Variants in SPDYA observed in about 807,000 individuals in gnomAD.
SPDYA encodes speedy protein A.
In SPDYA, 11 loss-of-function variants were observed where a neutral mutation model predicts 36.7. That is an observed-to-expected ratio of 0.30 (90% CI 0.19 to 0.50). The LOEUF is 0.50. Among genes scored for constraint, SPDYA ranks in the 20% least tolerant of loss-of-function variants. The pLI is 0.98. For synonymous variants in SPDYA, 115 were observed against 118.7 expected (o/e 0.97, Z 0.20); for missense variants, 287 against 370.9 (o/e 0.77, Z 1.86).
At chr2:28,819,837 AAAAAAAAAAAAAATATATATATATATAT>A (rs1668090977) in intron 4 of SPDYA, among the ~76,000 whole-genome samples, 1 of 49,940 alleles carries the variant, frequency 2.0e-5, no homozygotes, top group Non-Finnish European at 3.6e-5. Flanking sequence ...AAAAAAAAAA[AAAAAAAAAAAAAATATATATATATATAT>A]ATATATATAT....
In SPDYA at chr2:28,840,571, C is replaced by G. The variant is rs1459294659; in HGVS notation, c.850+102C>G. ...ATACATAATAATTTATATACTCCAACAATATGAGTTAAATTAATCTTGAAA... is the reference window on the plus strand; with the variant it reads ...ATACATAATAATTTATATACTCCAAGAATATGAGTTAAATTAATCTTGAAA... On this transcript the variant is annotated intron_variant, in intron 7 of 7. Coordinates refer to ENST00000334056, the MANE Select transcript of SPDYA (RefSeq NM_182756.4). 5 of 1,469,570 alleles carry G rather than the reference C, an allele frequency of 3.4e-6. No individual in the cohort carries two copies. In the East Asian group the frequency reaches 9.7e-5, roughly 29 times the overall value. 91.0% of individuals were successfully genotyped at this position (1,469,570 alleles called of 1,614,324 possible).
chr2:28,848,487 C>T (rs1162155464), intron 7 of SPDYA, among the ~76,000 whole-genome samples: 1 of 152,178 alleles, frequency 6.6e-6, no homozygotes, highest in African/African-American at 2.4e-5. Context: ...GCAAAGTCCC[C>T]CATTATGGTT....
At position 28,811,813 on chromosome 2, in the gene SPDYA, T is replaced by C. The variant is rs115790217; in HGVS notation, c.-93+866T>C. ...AAAATAACTTAAAAAAAAAGTATCCTGGCATGGTGGCGGGCGCCTGTAATC... is the reference window on the plus strand; with the variant it reads ...AAAATAACTTAAAAAAAAAGTATCCCGGCATGGTGGCGGGCGCCTGTAATC... On this transcript the variant is annotated intron_variant, in intron 1 of 7. Transcript: ENST00000334056. This position sits in a 1 kb window ranked among gnomAD's most constrained non-coding sequence, Gnocchi z 4.2. 0.014 allele frequency among the ~76,000 whole-genome samples: 2,037 copies of C among 143,390 alleles called. 25 individuals are homozygous for C. The highest frequency in any genetic ancestry group is 0.038 in the African/African-American group (1,463 of 38,666). The allele number at this position is 143,390 out of a possible 152,430, so 94.1% of individuals were successfully genotyped here. A position where few individuals can be genotyped will look rare whatever the true frequency, so the allele number is the denominator to read the frequency against.
At chr2:28,822,437 G>A (rs1382912298) in intron 5 of SPDYA, 27 bp downstream of exon 5, 9 of 1,273,562 alleles carry the variant, frequency 7.1e-6, no homozygotes, top group Non-Finnish European at 9.9e-6. Flanking sequence ...CTAAGTGATT[G>A]TTGTGTTATC....
chr2:28,843,130 C>G (rs1182899025), intron 7 of SPDYA, among the ~76,000 whole-genome samples: 1 of 152,154 alleles, frequency 6.6e-6, no homozygotes, highest in African/African-American at 2.4e-5. Flanking sequence ...GTTTTCCTAC[C>G]TTAAAATTTT....
Position 28,816,188 on chromosome 2 carries a change from C to T in SPDYA, c.174C>T (p.Arg58=), listed in dbSNP as rs757257141. ...CACATAATAACAACAAATCTAAACG[C>T]CCCAAAGGACCTTGTCTGGTTATAC... The part of the protein sequence containing the change: ...KNTHNNNKSK[R]PKGPCLVIQR... Residue 58 remains arginine (R), a synonymous_variant, in exon 3 of 8, where the codon CGC becomes CGT. Coordinates refer to ENST00000334056, the MANE Select transcript of SPDYA (RefSeq NM_182756.4). 10 of 1,613,756 alleles carry T rather than the reference C, an allele frequency of 6.2e-6. No homozygotes were observed. The African/African-American group carries it at 8.0e-5, about 13-fold the overall frequency.
In SPDYA at chr2:28,819,028, A is replaced by G; in HGVS notation, c.236-20A>G. On this transcript the variant is annotated intron_variant, in intron 3 of 7. Transcript: ENST00000334056. ...ACATTCTGTTTTTAAAAGACAAGTT[A>G]TAGCTATCTTTTGTTGTAGATGACG... The G allele has an allele frequency of 4.4e-6, 7 of 1,585,508 alleles. No individual in the cohort carries two copies. Among genetic ancestry groups the G allele is most frequent in the Non-Finnish European group, 6.0e-6 (7 of 1,157,062 alleles).
At chr2:28,831,916 G>A (rs142017436) in intron 6 of SPDYA, among the ~76,000 whole-genome samples, 1 of 152,152 alleles carries the variant, frequency 6.6e-6, no homozygotes, top group African/African-American at 2.4e-5. Context: ...ATCTTTTCTT[G>A]CTTTCTCAAG....
chr2:28,811,553 G>T lies in SPDYA; in HGVS notation c.-93+606G>T, dbSNP rs190902832. Among the ~76,000 whole-genome samples the T allele has an allele frequency of 2.4e-3, 362 of 152,096 alleles. 1 individual carries two copies. The highest frequency in any genetic ancestry group is 4.0e-3 in the Non-Finnish European group (271 of 67,998). ...ACATGACATCCAGTAGGACTGGAGG[G>T]CCCCTAGCCTCAATCTTTTAAAAAG... On this transcript the variant is annotated intron_variant, in intron 1 of 7. Transcript: ENST00000334056. The surrounding 1 kb of genome is among the most constrained non-coding windows in gnomAD (Gnocchi z 4.2).
Position 28,829,556 on chromosome 2 carries a change from C to T in SPDYA, c.552+237C>T, listed in dbSNP as rs1381500830. On this transcript the variant is annotated intron_variant, in intron 6 of 7. Coordinates refer to ENST00000334056, the MANE Select transcript of SPDYA (RefSeq NM_182756.4). The stretch of plus-strand genomic sequence containing the variant: ...GCAAGCCCTGCTCACGCCTGTAATC[C>T]CAGCACTTTGAGAGGCTGAGGCGGG... Among the ~76,000 whole-genome samples the T allele has an allele frequency of 2.6e-5, 4 of 152,034 alleles. No individual in the cohort carries two copies. In the East Asian group the frequency reaches 7.7e-4, roughly 29 times the overall value.
intron 6 of SPDYA, among the ~76,000 whole-genome samples, chr2:28,831,420 C>A (rs1045607510): frequency 6.6e-6 from 1 of 152,078 alleles, no homozygotes; most frequent in Non-Finnish European, 1.5e-5. Context: ...TAATTCTAGG[C>A]AGTAGGGATA....
At chr2:28,816,589 T>C (rs1010044831) in intron 3 of SPDYA, among the ~76,000 whole-genome samples, 1 of 152,190 alleles carries the variant, frequency 6.6e-6, no homozygotes, top group East Asian at 1.9e-4. Flanking sequence ...TCAGGTGAGC[T>C]AACTGACCCA....
chr2:28,822,464 C>A (rs909725411), intron 5 of SPDYA, 54 bp downstream of exon 5: 16 of 885,434 alleles, frequency 1.8e-5, no homozygotes, highest in Non-Finnish European at 2.2e-5. Context: ...ATACATTACA[C>A]CTTATTTAAA....
At chr2:28,819,576 A>G (rs1434153253) in intron 4 of SPDYA, among the ~76,000 whole-genome samples, 1 of 152,008 alleles carries the variant, frequency 6.6e-6, no homozygotes, top group Non-Finnish European at 1.5e-5. Context: ...TCAAAGCAGA[A>G]GCTTTACACA....
rs537833672 is a variant in SPDYA at position 28,829,733 on chromosome 2, G to A, written c.552+414G>A. Among the ~76,000 whole-genome samples the A allele has an allele frequency of 3.2e-3, 480 of 152,000 alleles. 5 individuals are homozygous for A. Among genetic ancestry groups the A allele is most frequent in the African/African-American group, 0.011 (463 of 41,490 alleles). ...CCGAGGCGGGCAGATCACGAGGTCA[G>A]GAGATCAAGACCATCCTGGCCAACA... On this transcript the variant is annotated intron_variant, in intron 6 of 7. Transcript: ENST00000334056.
rs1174507151 is a variant in SPDYA at position 28,819,820 on chromosome 2, TAAAAAAAAAAAAA to T, written c.294+732_294+744del. ...GGCAACATAGGGAGACCTGGTCTCT[TAAAAAAAAAAAAA>T]AAAAAAAAAAAAAAAAATATATATA... On this transcript the variant is annotated intron_variant, in intron 4 of 7. Coordinates refer to ENST00000334056, the MANE Select transcript of SPDYA (RefSeq NM_182756.4). Among the ~76,000 whole-genome samples the T allele has an allele frequency of 4.1e-4, 7 of 17,218 alleles. No individual in the cohort carries two copies. The East Asian group carries it at 9.1e-3, about 22-fold the overall frequency. The allele number at this position is 17,218 out of a possible 152,430, so 11.3% of individuals were successfully genotyped here.
chr2:28,813,779 T>C (rs542700220), intron 1 of SPDYA, among the ~76,000 whole-genome samples: 7 of 152,260 alleles, frequency 4.6e-5, no homozygotes, highest in African/African-American at 1.2e-4. Flanking sequence ...CTCAAACTCC[T>C]GACCTCAGGT....
chr2:28,848,316 C>A (rs1051676746), intron 7 of SPDYA, among the ~76,000 whole-genome samples: 4 of 152,190 alleles, frequency 2.6e-5, no homozygotes, highest in Non-Finnish European at 5.9e-5. Context: ...TTAGGATACA[C>A]CAATTCCTTC....
intron 6 of SPDYA, among the ~76,000 whole-genome samples, chr2:28,834,362 T>C (rs952355126): frequency 2.0e-5 from 3 of 152,164 alleles, no homozygotes; most frequent in African/African-American, 4.8e-5. Context: ...GCAAGTCTAG[T>C]CCTGGCTATA....
Sources: allele counts gnomAD v4.1 joint callset (sites outside exome capture counted in the v4.1 genomes callset), GRCh38; gene constraint gnomAD v4.1.1; non-coding constraint Gnocchi (gnomAD v3.1); transcripts MANE v1.5; gene names NCBI Gene and HGNC (gene_info 2026-07-23, HGNC 2026-07-21).